The following WDR31 variants were observed in gnomAD, a reference collection of about 807,000 sequenced individuals.
WDR31 encodes WD repeat-containing protein 31.
Under a neutral mutation model 47.3 loss-of-function variants are expected in WDR31, and 30 were observed. The ratio of observed to expected loss-of-function variants is 0.63; its 90% confidence interval spans 0.47 to 0.86. The LOEUF (loss-of-function observed/expected upper bound fraction) is 0.86. WDR31 is among the 40% of genes least tolerant of loss of function. WDR31 has a pLI of 0.00. For synonymous variants in WDR31, 137 were observed against 159.4 expected, an observed-to-expected ratio of 0.86 and a Z score of 1.06; for missense variants, 406 against 442.9, an observed-to-expected ratio of 0.92 and a Z score of 0.75.
Position 113,331,011 on chromosome 9 carries a change from G to A in WDR31, c.222C>T (p.Asp74=), listed in dbSNP as rs1441046420. The change falls in exon 4 of 11, where the codon GAC becomes GAT. Residue 74 remains aspartate (D), a synonymous_variant. Transcript: ENST00000374193. The part of the protein sequence containing the change: ...TVSVVAALNS[D]LCVSGGKDKT... The stretch of plus-strand genomic sequence containing the variant: ...TATCTTTCCCTCCAGAGACACAAAG[G>A]TCTGAGTTCAAAGCAGCCACGACAG... 7 of 1,610,614 alleles carry A rather than the reference G, an allele frequency of 4.3e-6. No homozygotes were observed. Among genetic ancestry groups the A allele is most frequent in the African/African-American group, 1.3e-5 (1 of 74,858 alleles).
intron 5 of WDR31, among the ~76,000 whole-genome samples, chr9:113,324,462 T>G (rs940962529): frequency 6.6e-6 from 1 of 151,564 alleles, no homozygotes; most frequent in Admixed American, 6.6e-5. Context: ...TGGTCTCGGT[T>G]CACTGCAACC....
intron 2 of WDR31, among the ~76,000 whole-genome samples, chr9:113,334,678 T>C (rs1432626140): frequency 1.4e-5 from 2 of 146,718 alleles, no homozygotes; most frequent in Non-Finnish European, 3.0e-5. Flanking sequence ...TAGCTGGGAC[T>C]ACAGGCATGC....
intron 1 of WDR31, among the ~76,000 whole-genome samples, chr9:113,338,242 A>G (rs1833758694): frequency 6.6e-6 from 1 of 152,244 alleles, no homozygotes; most frequent in South Asian, 2.1e-4. Flanking sequence ...ACAAACGGAT[A>G]TATGAATCTA....
At chr9:113,325,363 T>A (rs1370756536) in intron 5 of WDR31, among the ~76,000 whole-genome samples, 1 of 152,208 alleles carries the variant, frequency 6.6e-6, no homozygotes, top group Non-Finnish European at 1.5e-5. Context: ...TGCTATCATA[T>A]ATATGTTTGA....
intron 4 of WDR31, among the ~76,000 whole-genome samples, chr9:113,330,037 C>A (rs1680652303): frequency 6.6e-6 from 1 of 151,982 alleles, no homozygotes. Context: ...CATCTTAGAA[C>A]CAGTGGAATG....
Position 113,318,384 on chromosome 9 carries a change from T to G in WDR31, c.943+91A>C. ...GGACAGTGGCAGAAGATGGGTGGCT[T>G]TGTAATGCTGAGCAATGGGAAGAAG... On this transcript the variant is annotated intron_variant, in intron 10 of 10. Transcript: ENST00000374193. The G allele has an allele frequency of 2.0e-6, 3 of 1,490,838 alleles. No individual in the cohort carries two copies. In the South Asian group the frequency reaches 3.6e-5, roughly 18 times the overall value. The allele number at this position is 1,490,838 out of a possible 1,614,324, so 92.4% of individuals were successfully genotyped here.
At chr9:113,337,689 C>A (rs1833747120) in intron 1 of WDR31, among the ~76,000 whole-genome samples, 1 of 152,116 alleles carries the variant, frequency 6.6e-6, no homozygotes, top group Non-Finnish European at 1.5e-5. Flanking sequence ...TGGTCTCAAA[C>A]TCCTGACTTC....
In WDR31 at chr9:113,331,906, C is replaced by T. The variant is rs996599007; in HGVS notation, c.116+1G>A. ...GGGCTCCCAGGGGAGGATTGCAGTA[C>T]CCGTATTTATAAGTGCTGTGTTTGA... On this transcript the variant is annotated splice_donor_variant, in intron 3 of 10. Transcript: ENST00000374193. LOFTEE classifies it high-confidence loss of function. 3 of 1,613,030 alleles carry T rather than the reference C, an allele frequency of 1.9e-6. No homozygotes were observed. In the African/African-American group the frequency reaches 4.0e-5, roughly 22 times the overall value.
rs1212084932 is a variant in WDR31 at position 113,316,359 on chromosome 9, T to C, written c.*390A>G. On this transcript the variant is annotated 3_prime_UTR_variant, in exon 11 of 11. Transcript: ENST00000374193. ...TCTCTCCCCACTGCCTTTTTTCTTTTGTAAAGACTTGCAAAGGGTCAGTTC... is the reference window on the plus strand; with the variant it reads ...TCTCTCCCCACTGCCTTTTTTCTTTCGTAAAGACTTGCAAAGGGTCAGTTC... The C allele has an allele frequency of 1.2e-5, 2 of 164,806 alleles. No homozygotes were observed. The highest frequency in any genetic ancestry group is 2.4e-5 in the African/African-American group (1 of 41,924). 10.2% of individuals were successfully genotyped at this position (164,806 alleles called of 1,614,324 possible).
intron 1 of WDR31, among the ~76,000 whole-genome samples, chr9:113,337,978 G>A (rs982688592): frequency 2.0e-5 from 3 of 152,186 alleles, no homozygotes; most frequent in Admixed American, 2.0e-4. Context: ...CAAATAAGTG[G>A]CAGAGCTGAA....
chr9:113,316,858 G>A lies in WDR31; in HGVS notation c.995C>T (p.Ala332Val), dbSNP rs752121982. Residue 332 changes from alanine (A) to valine (V), a missense_variant, in exon 11 of 11, where the codon GCT becomes GTT. By Grantham distance (64) the Ala-to-Val change is moderately conservative. Coordinates refer to ENST00000374193, the MANE Select transcript of WDR31 (RefSeq NM_001012361.4). ...CAATAAGGAGATGGCGTCACCAACA[G>A]CCAGAGAAGTCAAGGGTCCTGATCC... is the stretch of plus-strand genomic sequence containing the variant. ...LDGSGPLTSLAVGDAISLLCA... is the reference protein window; with the variant it reads ...LDGSGPLTSLVVGDAISLLCA... 10 of 1,614,168 alleles carry A rather than the reference G, an allele frequency of 6.2e-6. No homozygotes were observed. The Admixed American group carries it at 1.7e-4, about 27-fold the overall frequency.
At position 113,328,941 on chromosome 9, in the gene WDR31, A is replaced by G. The variant is rs1242674227; in HGVS notation, c.264T>C (p.Tyr88=). The change falls in exon 5 of 11, where the codon TAT becomes TAC. Residue 88 remains tyrosine (Y), a synonymous_variant. Transcript: ENST00000374193. ...TCACCACATTTCCAGTTTTCCAATT[A>G]TAGGCCACAACTGTCTGAAGAGAGT... The part of the protein sequence containing the change: ...SGGKDKTVVA[Y]NWKTGNVVKR... 6.2e-7 allele frequency: 1 copy of G among 1,614,032 alleles called. No individual in the cohort carries two copies. Among genetic ancestry groups the G allele is most frequent in the African/African-American group, 1.3e-5 (1 of 75,058 alleles).
At chr9:113,334,611 C>G (rs1833677262) in intron 2 of WDR31, among the ~76,000 whole-genome samples, 1 of 151,548 alleles carries the variant, frequency 6.6e-6, no homozygotes, top group African/African-American at 2.4e-5. Flanking sequence ...GTGATCTCAG[C>G]CCACTGCAAC....
At chr9:113,338,317 G>A (rs1833760072) in intron 1 of WDR31, among the ~76,000 whole-genome samples, 1 of 152,138 alleles carries the variant, frequency 6.6e-6, no homozygotes, top group African/African-American at 2.4e-5. Context: ...ATAAAGCTAA[G>A]AATTCATTAT....
At chr9:113,331,866 G>A in intron 3 of WDR31, 41 bp downstream of exon 3, 1 of 1,581,752 alleles carries the variant, frequency 6.3e-7, no homozygotes, top group Non-Finnish European at 8.7e-7. Flanking sequence ...GTTTTAATGG[G>A]GCATGATAAA....
chr9:113,324,385 A>AT (rs1833404692), intron 5 of WDR31, among the ~76,000 whole-genome samples: 1 of 133,900 alleles, frequency 7.5e-6, no homozygotes, highest in Non-Finnish European at 1.6e-5. Context: ...TCAGAATTTC[A>AT]TTCCTTTTTT....
chr9:113,323,253 C>T, intron 5 of WDR31, 98 bp from the exon 6 acceptor site: 2 of 1,403,596 alleles, frequency 1.4e-6, no homozygotes, highest in Non-Finnish European at 1.9e-6. Flanking sequence ...AACTCCCTCC[C>T]CACACACACT....
chr9:113,324,218 C>T (rs750188180), intron 5 of WDR31, among the ~76,000 whole-genome samples: 3 of 152,206 alleles, frequency 2.0e-5, no homozygotes, highest in African/African-American at 7.2e-5. Context: ...TTCCTCTCCC[C>T]GCAGCCGCTG....
rs569193125 is a variant in WDR31 at position 113,321,088 on chromosome 9, T to A, written c.638+423A>T. 4.6e-5 allele frequency among the ~76,000 whole-genome samples: 7 copies of A among 152,364 alleles called. No individual in the cohort carries two copies. The South Asian group carries it at 1.4e-3, about 32-fold the overall frequency. ...GAACTATTGGCTTTACTGACTCCCCTGATGCTGATTTCAACCCTGCTTCCC... is the reference window on the plus strand; with the variant it reads ...GAACTATTGGCTTTACTGACTCCCCAGATGCTGATTTCAACCCTGCTTCCC... On this transcript the variant is annotated intron_variant, in intron 8 of 10. Coordinates refer to ENST00000374193, the MANE Select transcript of WDR31 (RefSeq NM_001012361.4).
Sources: gnomAD v4.1 joint callset for allele counts (sites outside exome capture counted in the v4.1 genomes callset) on GRCh38, gnomAD v4.1.1 for gene constraint, MANE v1.5 for transcripts, NCBI Gene and HGNC (gene_info 2026-07-23, HGNC 2026-07-21) for gene names.